RALYL: variants seen among roughly 807,000 people sequenced by gnomAD.
RALYL encodes RNA-binding Raly-like protein.
In RALYL, 29 loss-of-function variants were observed where a neutral mutation model predicts 35.1. The observed-to-expected ratio is 0.83, with a 90% CI of 0.61 to 1.13. The LOEUF (loss-of-function observed/expected upper bound fraction) is 1.13. Among genes scored for constraint, RALYL ranks in the 50% most tolerant of loss-of-function variants. The probability of loss-of-function intolerance (pLI) is 0.00; values close to 1 mark genes in which losing one functional copy is unlikely to be tolerated. For synonymous variants in RALYL, 120 were observed against 127.6 expected (o/e 0.94, Z 0.40); for missense variants, 359 against 360.4 (o/e 1.00, Z 0.03).
At chr8:84,375,066 A>C (rs1040777018) in intron 1 of RALYL, among the ~76,000 whole-genome samples, 1 of 151,756 alleles carries the variant, frequency 6.6e-6, no homozygotes, top group African/African-American at 2.4e-5. Flanking sequence ...TAGTAGGTGT[A>C]TATATTTAGG....
At chr8:84,660,998 G>A (rs193212008) in intron 2 of RALYL, among the ~76,000 whole-genome samples, 60 of 151,596 alleles carry the variant, frequency 4.0e-4, no homozygotes, top group African/African-American at 1.4e-3. Context: ...GTGCAATCTC[G>A]GCTCACTGCA....
chr8:84,894,304 C>A lies in RALYL; in HGVS notation c.858+6528C>A, dbSNP rs372268752. Among the ~76,000 whole-genome samples the A allele has an allele frequency of 2.0e-5, 3 of 152,268 alleles. No homozygotes were observed. The East Asian group carries it at 5.8e-4, about 29-fold the overall frequency. On this transcript the variant is annotated intron_variant, in intron 8 of 8. Coordinates refer to ENST00000521268, the MANE Select transcript of RALYL (RefSeq NM_173848.7). Reference sequence around the variant, plus strand: ...GAATGAATGCTGGCTAGAGGACAAACAAGAACTGTGAGACATGTTCCACAA... The same window carrying A: ...GAATGAATGCTGGCTAGAGGACAAAAAAGAACTGTGAGACATGTTCCACAA...
At chr8:84,421,034 T>C (rs1197549763) in intron 1 of RALYL, among the ~76,000 whole-genome samples, 1 of 127,704 alleles carries the variant, frequency 7.8e-6, no homozygotes, top group Non-Finnish European at 1.6e-5. Flanking sequence ...ATGCGGGCTC[T>C]TTTTTGGTTC....
At chr8:84,773,519 A>G (rs1429106834) in intron 2 of RALYL, among the ~76,000 whole-genome samples, 1 of 152,062 alleles carries the variant, frequency 6.6e-6, no homozygotes, top group Admixed American at 6.6e-5. Context: ...CCAACTTTCC[A>G]ATTTCTTAAC....
intron 1 of RALYL, among the ~76,000 whole-genome samples, chr8:84,422,291 C>A (rs560171225): frequency 0.035 from 3,945 of 111,592 alleles, 96 homozygotes; most frequent in Middle Eastern, 0.09. Flanking sequence ...GTGTATGTGT[C>A]GAGGAATTTA....
chr8:84,858,645 TA>T (rs1166776587), intron 5 of RALYL, among the ~76,000 whole-genome samples: 1 of 152,226 alleles, frequency 6.6e-6, no homozygotes, highest in Non-Finnish European at 1.5e-5. Context: ...TTTGCCAATC[TA>T]ATATTTGATA....
At chr8:84,291,887 T>C (rs918884184) in intron 1 of RALYL, among the ~76,000 whole-genome samples, 1 of 149,932 alleles carries the variant, frequency 6.7e-6, no homozygotes, top group African/African-American at 2.4e-5. Context: ...TTTAAGAAGC[T>C]AAATAATAAA....
At chr8:84,402,024 C>T (rs2042970602) in intron 1 of RALYL, among the ~76,000 whole-genome samples, 1 of 152,208 alleles carries the variant, frequency 6.6e-6, no homozygotes, top group East Asian at 1.9e-4. Flanking sequence ...TTTGATGGCC[C>T]TTGTATAATC....
intron 1 of RALYL, among the ~76,000 whole-genome samples, chr8:84,223,079 CTGCCTTTCCTTTCCTTTCCT>C (rs1479941160): frequency 0.038 from 5,027 of 132,714 alleles, 352 homozygotes; most frequent in African/African-American, 0.084. Flanking sequence ...TCCCTTTGCC[CTGCCTTTCCTTTCCTTTCCT>C]TTCCTTTCCT....
At chr8:84,271,354 C>T (rs1349462135) in intron 1 of RALYL, among the ~76,000 whole-genome samples, 2 of 151,180 alleles carry the variant, frequency 1.3e-5, no homozygotes, top group Non-Finnish European at 2.9e-5. Flanking sequence ...CAACTACAAA[C>T]CCATGAAAAT....
chr8:84,678,089 ACCGATAT>A (rs142522520), intron 2 of RALYL, among the ~76,000 whole-genome samples: 2,169 of 152,258 alleles, frequency 0.014, 59 homozygotes, highest in African/African-American at 0.048. Flanking sequence ...TTCAAATTCC[ACCGATAT>A]CATAAGTCAT....
At chr8:84,291,135 A>G (rs555419802) in intron 1 of RALYL, among the ~76,000 whole-genome samples, 1 of 152,292 alleles carries the variant, frequency 6.6e-6, no homozygotes, top group East Asian at 1.9e-4. Context: ...GTATATTGGA[A>G]CATAGGCTTC....
At chr8:84,299,608 T>C (rs1490725775) in intron 1 of RALYL, among the ~76,000 whole-genome samples, 1 of 152,038 alleles carries the variant, frequency 6.6e-6, no homozygotes, top group East Asian at 1.9e-4. Context: ...GGGCTTTCCC[T>C]GGTTGGTCGG....
rs764942491 is a variant in RALYL at position 84,253,176 on chromosome 8, G to GTTTTTT, written c.-24+68778_-24+68783dup. On this transcript the variant is annotated intron_variant, in intron 1 of 8. Coordinates refer to ENST00000521268, the MANE Select transcript of RALYL (RefSeq NM_173848.7). The stretch of plus-strand genomic sequence containing the variant: ...GTATGTGTCTGTGTGTAGTTCTGCA[G>GTTTTTT]TTTTTTTTTTTTTTTTTTTTTTTTT... Among the ~76,000 whole-genome samples the GTTTTTT allele has an allele frequency of 3.6e-4, 19 of 52,858 alleles. 6 individuals carry two copies. The highest frequency in any genetic ancestry group is 1.6e-3 in the African/African-American group (18 of 11,558). The allele number at this position is 52,858 out of a possible 152,430, so 34.7% of individuals were successfully genotyped here.
intron 1 of RALYL, among the ~76,000 whole-genome samples, chr8:84,402,711 C>T (rs1563858750): frequency 6.6e-6 from 1 of 152,254 alleles, no homozygotes; most frequent in Non-Finnish European, 1.5e-5. Flanking sequence ...CTAGAAATTA[C>T]ATGCTGTTTC....
intron 1 of RALYL, among the ~76,000 whole-genome samples, chr8:84,424,874 T>A (rs966653160): frequency 7.3e-5 from 11 of 151,508 alleles, no homozygotes; most frequent in Non-Finnish European, 1.0e-4. Context: ...GGGTCAGGGG[T>A]CAGGGACCCA....
At position 84,775,757 on chromosome 8, in the gene RALYL, G is replaced by A. The variant is rs895300442; in HGVS notation, c.332+1103G>A. The stretch of plus-strand genomic sequence containing the variant: ...TAAGTAGAATTGAGTTGATTTTGGG[G>A]AAGAGTACAAGAGTAAACTTATATA... On this transcript the variant is annotated intron_variant, in intron 3 of 8. Transcript: ENST00000521268. 4.6e-5 allele frequency among the ~76,000 whole-genome samples: 7 copies of A among 152,156 alleles called. No individual in the cohort carries two copies. In the South Asian group the frequency reaches 8.3e-4, roughly 18 times the overall value.
chr8:84,279,147 T>G (rs1234486049), intron 1 of RALYL, among the ~76,000 whole-genome samples: 1 of 152,126 alleles, frequency 6.6e-6, no homozygotes, highest in African/African-American at 2.4e-5. Context: ...GCAGGGGAAC[T>G]CCATTTATAA....
At chr8:84,688,287 A>T (rs556952700) in intron 2 of RALYL, among the ~76,000 whole-genome samples, 1 of 152,258 alleles carries the variant, frequency 6.6e-6, no homozygotes, top group East Asian at 1.9e-4. Context: ...ATAACAGGAT[A>T]CAAATAAAGG....
Sources: gnomAD v4.1 joint callset for allele counts (sites outside exome capture counted in the v4.1 genomes callset) on GRCh38, gnomAD v4.1.1 for gene constraint, MANE v1.5 for transcripts, NCBI Gene and HGNC (gene_info 2026-07-23, HGNC 2026-07-21) for gene names.